Variants in THADA observed in about 807,000 individuals in gnomAD.
The protein encoded by THADA is THADA armadillo repeat containing, also known as tRNA (32-2'-O)-methyltransferase regulator THADA.
In THADA, 213 loss-of-function variants were observed where a neutral mutation model predicts 219.8. The ratio of observed to expected loss-of-function variants is 0.97; its 90% confidence interval spans 0.87 to 1.09. The LOEUF (loss-of-function observed/expected upper bound fraction) is 1.09, where lower values mean the gene tolerates loss of function less well. Ranked by LOEUF, THADA falls within the 50% of genes least tolerant of loss-of-function variation. The probability of loss-of-function intolerance (pLI) is 0.00; values close to 1 mark genes in which losing one functional copy is unlikely to be tolerated. For missense variants in THADA, 2,956 were observed against 2,311.3 expected (o/e 1.28, Z -5.72); for synonymous variants, 1,018 against 828.9 (o/e 1.23, Z -3.92).
In THADA at chr2:43,479,604, G is replaced by A. The variant is rs187838183; in HGVS notation, c.3836+5630C>T. Among the ~76,000 whole-genome samples, 336 of 149,422 alleles carry A rather than the reference G, an allele frequency of 2.2e-3. 2 individuals are homozygous for A. The highest frequency in any genetic ancestry group is 8.2e-3 in the African/African-American group (329 of 40,050). ...TTATCAAACATAAGAGTTTTATAGA[G>A]ATAAATGTTAAAAAAAAAAAAAGTT... is the stretch of plus-strand genomic sequence containing the variant. On this transcript the variant is annotated intron_variant, in intron 26 of 37. Transcript: ENST00000405975.
chr2:43,472,863 T>C (rs1685067680), intron 26 of THADA, among the ~76,000 whole-genome samples: 3 of 152,150 alleles, frequency 2.0e-5, no homozygotes, highest in Admixed American at 1.3e-4. Flanking sequence ...AGTAAGTATA[T>C]GTGTATCTAA....
At chr2:43,458,303 A>C (rs1024122541) in intron 26 of THADA, among the ~76,000 whole-genome samples, 11 of 152,162 alleles carry the variant, frequency 7.2e-5, no homozygotes, top group African/African-American at 2.7e-4. Context: ...TTCTTCCCTG[A>C]AATGTGAGCA....
At position 43,292,144 on chromosome 2, in the gene THADA, C is replaced by T; in HGVS notation, c.4897G>A (p.Glu1633Lys). The T allele has an allele frequency of 2.5e-6, 4 of 1,611,912 alleles. No individual in the cohort carries two copies. Among genetic ancestry groups the T allele is most frequent in the Non-Finnish European group, 3.4e-6 (4 of 1,179,142 alleles). ...ATATCCATCGTCCAGATCAAGAACTCCTTTGGGGTCAGATGGACACAGTGC... is the reference window on the plus strand; with the variant it reads ...ATATCCATCGTCCAGATCAAGAACTTCTTTGGGGTCAGATGGACACAGTGC... Reference protein sequence around the residue: ...TEHCVHLTPKEFLIWTMDIAS... With the variant: ...TEHCVHLTPKKFLIWTMDIAS... The change falls in exon 33 of 38, where the codon GAG becomes AAG. Residue 1633 changes from glutamate (E) to lysine (K), a missense_variant. Coordinates refer to ENST00000405975, the MANE Select transcript of THADA (RefSeq NM_022065.5).
At chr2:43,354,737 T>C (rs1668687088) in intron 29 of THADA, among the ~76,000 whole-genome samples, 1 of 152,184 alleles carries the variant, frequency 6.6e-6, no homozygotes, top group South Asian at 2.1e-4. Flanking sequence ...ATGGACTACA[T>C]TTTCTTTACC....
At chr2:43,369,218 G>C (rs889983589) in intron 29 of THADA, among the ~76,000 whole-genome samples, 1 of 152,182 alleles carries the variant, frequency 6.6e-6, no homozygotes, top group Admixed American at 6.5e-5. Flanking sequence ...CGTTGTGTCT[G>C]CCAAGCTAAT....
At chr2:43,545,086 G>A (rs569849057) in intron 20 of THADA, among the ~76,000 whole-genome samples, 161 of 152,242 alleles carry the variant, frequency 1.1e-3, no homozygotes, top group African/African-American at 3.5e-3. Flanking sequence ...AGCATGAAGC[G>A]TTGTTGAATT....
chr2:43,295,883 A>G (rs1307918417), intron 31 of THADA, among the ~76,000 whole-genome samples: 1 of 150,212 alleles, frequency 6.7e-6, no homozygotes, highest in Non-Finnish European at 1.5e-5. Flanking sequence ...GACCCCAGGG[A>G]GGCCACCATC....
intron 19 of THADA, among the ~76,000 whole-genome samples, chr2:43,550,431 G>T (rs910572425): frequency 6.6e-6 from 1 of 152,034 alleles, no homozygotes; most frequent in Non-Finnish European, 1.5e-5. Flanking sequence ...AAGAAACCAC[G>T]CAAAGACCAA....
chr2:43,508,535 A>G, intron 23 of THADA, 113 bp downstream of exon 23: 1 of 1,058,080 alleles, frequency 9.5e-7, no homozygotes, highest in Non-Finnish European at 1.3e-6. Context: ...GGTGCTGAAA[A>G]GACAGAAATG....
At chr2:43,374,039 T>C (rs911399986) in intron 29 of THADA, among the ~76,000 whole-genome samples, 1 of 152,238 alleles carries the variant, frequency 6.6e-6, no homozygotes, top group African/African-American at 2.4e-5. Flanking sequence ...AAACATTTCA[T>C]TGATCCTTAC....
In THADA at chr2:43,574,947, G is replaced by C. The variant is rs1699701220; in HGVS notation, c.1118C>G (p.Ser373Ter). 1 of 1,613,866 alleles carries C rather than the reference G, an allele frequency of 6.2e-7. No individual in the cohort carries two copies. The highest frequency in any genetic ancestry group is 1.7e-5 in the Admixed American group (1 of 60,004). Reference protein sequence around the residue: ...WTNSAIQVLESSSPSLTDSLN... With the variant: ...WTNSAIQVLE ...GCTGTCCGTTAGGCTCGGGGAACTT[G>C]ATTCAAGGACTTGTATGGCTGAATT... Residue 373 changes from serine (S) to a stop codon, truncating the protein, a stop_gained, in exon 11 of 38, where the codon TCA becomes TGA. Coordinates refer to ENST00000405975, the MANE Select transcript of THADA (RefSeq NM_022065.5). LOFTEE classifies it high-confidence loss of function.
chr2:43,267,804 A>G (rs1671691260), intron 36 of THADA, among the ~76,000 whole-genome samples: 1 of 152,220 alleles, frequency 6.6e-6, no homozygotes, highest in Non-Finnish European at 1.5e-5. Context: ...CTGTGTGAGG[A>G]AAAAATAAGC....
intron 32 of THADA, 24 bp from the exon 33 acceptor site, chr2:43,292,246 A>C: frequency 7.0e-7 from 1 of 1,425,672 alleles, no homozygotes; most frequent in Non-Finnish European, 9.6e-7. Context: ...ATCCGCACAC[A>C]AAAAAGAGAA....
chr2:43,460,584 C>A (rs115213480), intron 26 of THADA, among the ~76,000 whole-genome samples: 6 of 152,228 alleles, frequency 3.9e-5, no homozygotes, highest in Non-Finnish European at 8.8e-5. Flanking sequence ...AAACAACTGA[C>A]AGATATATAT....
chr2:43,278,094 G>A (rs1309459747), intron 36 of THADA, among the ~76,000 whole-genome samples: 2 of 151,960 alleles, frequency 1.3e-5, no homozygotes, highest in Non-Finnish European at 2.9e-5. Flanking sequence ...GGGATTACGG[G>A]TGCCCGCCAC....
intron 36 of THADA, among the ~76,000 whole-genome samples, chr2:43,242,817 A>G (rs1399563925): frequency 6.6e-6 from 1 of 152,188 alleles, no homozygotes; most frequent in Non-Finnish European, 1.5e-5. Context: ...CCACTTTGCT[A>G]AGCTGCTCAT....
In THADA at chr2:43,572,927, C is replaced by T; in HGVS notation, c.1795G>A (p.Ala599Thr). 6.2e-7 allele frequency: 1 copy of T among 1,613,906 alleles called. No individual in the cohort carries two copies. The highest frequency in any genetic ancestry group is 8.5e-7 in the Non-Finnish European group (1 of 1,179,848). The change falls in exon 12 of 38, where the codon GCA becomes ACA. Residue 599 changes from alanine (A) to threonine (T), a missense_variant. Transcript: ENST00000405975. Reference protein sequence around the residue: ...NSRGALGALMACLRIARAHGH... With the variant: ...NSRGALGALMTCLRIARAHGH... The stretch of plus-strand genomic sequence containing the variant: ...TGAGCTCTAGCTATTCGCAGACATG[C>T]CATCAAAGCTCCCAGAGCCCCCCTG...
At chr2:43,330,263 G>C (rs1047089816) in intron 30 of THADA, among the ~76,000 whole-genome samples, 6 of 152,212 alleles carry the variant, frequency 3.9e-5, no homozygotes, top group Admixed American at 2.6e-4. Flanking sequence ...GAGTCCTAGA[G>C]TGAGCCCCTG....
intron 31 of THADA, among the ~76,000 whole-genome samples, chr2:43,306,518 G>A (rs1676880587): frequency 6.6e-6 from 1 of 152,138 alleles, no homozygotes; most frequent in African/African-American, 2.4e-5. Context: ...TACCTCTGTT[G>A]CCTCACCTGT....
Sources: allele counts gnomAD v4.1 joint callset (sites outside exome capture counted in the v4.1 genomes callset), GRCh38; gene constraint gnomAD v4.1.1; transcripts MANE v1.5; gene names NCBI Gene and HGNC (gene_info 2026-07-23, HGNC 2026-07-21).